Variants in DNAH6 observed in about 807,000 individuals in gnomAD.
DNAH6 encodes the protein axonemal beta dynein heavy chain 6.
DNAH6 carries 340 observed loss-of-function variants against 491.4 expected under a neutral mutation model. The observed-to-expected ratio is 0.69, with a 90% CI of 0.63 to 0.76. The LOEUF is 0.76. DNAH6 is among the 30% of genes least tolerant of loss of function. The pLI is 0.00. For synonymous variants in DNAH6, 1,603 were observed against 1,686.1 expected, an observed-to-expected ratio of 0.95 and a Z score of 1.21; for missense variants, 4,443 against 4,972.2, an observed-to-expected ratio of 0.89 and a Z score of 3.20.
rs1425803076 is a variant in DNAH6 at position 84,819,401 on chromosome 2, G to A, written c.12470G>A (p.Ser4157Asn). The change falls in exon 77 of 77, where the codon AGC becomes AAC. Residue 4157 changes from serine (S) to asparagine (N), a missense_variant. Ser to Asn is a conservative substitution (Grantham distance 46, BLOSUM62 1). Coordinates refer to ENST00000389394, the MANE Select transcript of DNAH6 (RefSeq NM_001370.2). ...GGATCAGCTTTGCTCTGCCAGCTGA[G>A]CGAATGAAAAGGTGCCACCTCAGCC... is the stretch of plus-strand genomic sequence containing the variant. ...AKGSALLCQL[S>N]E 8.4e-6 allele frequency: 13 copies of A among 1,550,146 alleles called. No individual in the cohort carries two copies. In the South Asian group the frequency reaches 1.2e-4, roughly 14 times the overall value.
At chr2:84,545,206 G>A (rs1448260769) in intron 5 of DNAH6, among the ~76,000 whole-genome samples, 2 of 152,156 alleles carry the variant, frequency 1.3e-5, no homozygotes, top group Middle Eastern at 3.4e-3. Flanking sequence ...CTTTGCATAT[G>A]ATAATATGAA....
At chr2:84,748,894 T>C (rs1673201742) in intron 63 of DNAH6, among the ~76,000 whole-genome samples, 1 of 152,210 alleles carries the variant, frequency 6.6e-6, no homozygotes, top group South Asian at 2.1e-4. Flanking sequence ...TCTTGGCTTC[T>C]GGTGAGGCCT....
chr2:84,793,956 A>G (rs780464256), intron 68 of DNAH6, among the ~76,000 whole-genome samples: 3 of 152,248 alleles, frequency 2.0e-5, no homozygotes, highest in Non-Finnish European at 4.4e-5. Flanking sequence ...TCAAAACAGC[A>G]TGATACTGGT....
chr2:84,669,698 G>C (rs968206730), intron 38 of DNAH6, among the ~76,000 whole-genome samples, 188 bp downstream of exon 38: 5 of 152,182 alleles, frequency 3.3e-5, no homozygotes, highest in Middle Eastern at 6.3e-3. Flanking sequence ...GCCAGTTTCT[G>C]AACACATTCT....
the DNAH6 span, among the ~76,000 whole-genome samples, chr2:84,465,392 G>A: frequency 6.6e-6 from 1 of 152,110 alleles, no homozygotes; most frequent in African/African-American, 2.4e-5. Flanking sequence ...CTACTTGGGA[G>A]ACTGAGGCAG....
intron 4 of DNAH6, 108 bp downstream of exon 4, chr2:84,529,274 G>A: frequency 1.1e-6 from 1 of 927,778 alleles, no homozygotes; most frequent in African/African-American, 1.7e-5. Context: ...ATATAATTTT[G>A]GTTATCATTC....
chr2:84,705,873 G>T, intron 52 of DNAH6, 126 bp downstream of exon 52: 1 of 1,180,322 alleles, frequency 8.5e-7, no homozygotes. Context: ...TTGGAAATTA[G>T]CTTTTGTTTT....
At chr2:84,721,480 A>G (rs955950394) in intron 59 of DNAH6, among the ~76,000 whole-genome samples, 1 of 152,120 alleles carries the variant, frequency 6.6e-6, no homozygotes, top group Non-Finnish European at 1.5e-5. Context: ...TTATTATGGT[A>G]GGTAGCCACT....
chr2:84,731,834 A>G (rs753616405), intron 61 of DNAH6, among the ~76,000 whole-genome samples: 8 of 152,124 alleles, frequency 5.3e-5, no homozygotes, highest in Non-Finnish European at 8.8e-5. Flanking sequence ...AAACCCAAAC[A>G]CTGACTCCAG....
Position 84,680,436 on chromosome 2 carries a change from G to T in DNAH6, c.6745-921G>T, listed in dbSNP as rs116827928. On this transcript the variant is annotated intron_variant, in intron 41 of 76. Transcript: ENST00000389394. ...GGATGAGAAGATCAAAGAGACTGAT[G>T]GGAGGACTTGTTTTAGACTGAGTGG... is the stretch of plus-strand genomic sequence containing the variant. Among the ~76,000 whole-genome samples the T allele has an allele frequency of 5.1e-3, 781 of 151,932 alleles. 6 individuals are homozygous for T. The highest frequency in any genetic ancestry group is 0.018 in the African/African-American group (743 of 41,236).
chr2:84,712,217 A>C (rs1385975316), intron 56 of DNAH6, among the ~76,000 whole-genome samples: 1 of 152,278 alleles, frequency 6.6e-6, no homozygotes, highest in Non-Finnish European at 1.5e-5. Context: ...TTTCAAATGA[A>C]ATAAAATTTT....
chr2:84,477,868 A>T, the DNAH6 span, among the ~76,000 whole-genome samples: 9 of 152,346 alleles, frequency 5.9e-5, no homozygotes, highest in South Asian at 1.0e-3. Context: ...CACCCAGGCA[A>T]TCTGACTCTG....
chr2:84,695,043 T>A (rs1480893877), intron 46 of DNAH6, among the ~76,000 whole-genome samples: 1 of 152,156 alleles, frequency 6.6e-6, no homozygotes, highest in African/African-American at 2.4e-5. Flanking sequence ...ATTTGATGCA[T>A]AAATGTTTTA....
chr2:84,595,825 C>CAAAAA, intron 18 of DNAH6, 36 bp downstream of exon 18: 1 of 1,512,610 alleles, frequency 6.6e-7, no homozygotes, highest in Non-Finnish European at 8.8e-7. Context: ...AAACTGTAGG[C>CAAAAA]CAGTTGGTTA....
At chr2:84,537,590 G>C (rs1257059305) in intron 4 of DNAH6, among the ~76,000 whole-genome samples, 2 of 152,022 alleles carry the variant, frequency 1.3e-5, no homozygotes, top group Non-Finnish European at 2.9e-5. Context: ...TGAGTAGATG[G>C]ATGCCAAATA....
At position 84,736,113 on chromosome 2, in the gene DNAH6, A is replaced by G. The variant is rs114429800; in HGVS notation, c.10342+2534A>G. ...TCCCAGCTCATTTATTGAATAGAGT[A>G]TTCTTTCCACATTATTTTTATTCAC... is the stretch of plus-strand genomic sequence containing the variant. On this transcript the variant is annotated intron_variant, in intron 62 of 76. Coordinates refer to ENST00000389394, the MANE Select transcript of DNAH6 (RefSeq NM_001370.2). Among the ~76,000 whole-genome samples, 1,302 of 152,208 alleles carry G rather than the reference A, an allele frequency of 8.6e-3. 22 individuals carry two copies. Among genetic ancestry groups the G allele is most frequent in the African/African-American group, 0.03 (1,248 of 41,544 alleles).
At chr2:84,745,387 C>T (rs964368290) in intron 63 of DNAH6, 138 bp downstream of exon 63, 20 of 650,962 alleles carry the variant, frequency 3.1e-5, no homozygotes, top group African/African-American at 3.8e-5. Context: ...AAACATGGGC[C>T]GAGCGCCGTG....
chr2:84,771,275 C>T (rs901262202), intron 64 of DNAH6, among the ~76,000 whole-genome samples: 19 of 148,998 alleles, frequency 1.3e-4, no homozygotes, highest in Admixed American at 5.4e-4. Context: ...GCAACAAGAA[C>T]GAAACTCAGT....
At chr2:84,759,245 C>A (rs112805366) in intron 63 of DNAH6, among the ~76,000 whole-genome samples, 1 of 151,308 alleles carries the variant, frequency 6.6e-6, no homozygotes, top group Non-Finnish European at 1.5e-5. Flanking sequence ...CAGTGACTCA[C>A]ACCTGTAATC....
Sources: gnomAD v4.1 joint callset for allele counts (sites outside exome capture counted in the v4.1 genomes callset) on GRCh38, gnomAD v4.1.1 for gene constraint, MANE v1.5 for transcripts, NCBI Gene and HGNC (gene_info 2026-07-23, HGNC 2026-07-21) for gene names.